AUTS2: variants seen among roughly 807,000 people sequenced by gnomAD.
AUTS2 encodes the protein autism susceptibility gene 2 protein.
A neutral mutation model predicts 112.4 loss-of-function variants in AUTS2; 17 were observed. The observed-to-expected ratio is 0.15, with a 90% confidence interval of 0.10 to 0.23. The LOEUF (loss-of-function observed/expected upper bound fraction) is 0.23, where lower values mean the gene tolerates loss of function less well. Ranked by LOEUF, AUTS2 falls within the 10% of genes least tolerant of loss-of-function variation. AUTS2 has a pLI of 1.00. For synonymous variants in AUTS2, 751 were observed against 702.7 expected, an observed-to-expected ratio of 1.07 and a Z score of -1.09; for missense variants, 1,510 against 1,701.6, an observed-to-expected ratio of 0.89 and a Z score of 1.98.
rs181247769 is a variant in AUTS2, at chr7:69,683,145, G to C, written c.309+83183G>C. 2.0e-5 allele frequency among the ~76,000 whole-genome samples: 3 copies of C among 152,256 alleles called. No homozygotes were observed. The East Asian group carries it at 5.8e-4, about 29-fold the overall frequency. ...GGTATCTGATTTGTATAGGGCCCAG[G>C]GGATTGGTTTGACCAGGCTTGTCAT... On this transcript the variant is annotated intron_variant, in intron 1 of 18. Transcript: ENST00000342771.
intron 4 of AUTS2, among the ~76,000 whole-genome samples, chr7:70,377,320 A>T (rs1793133358): frequency 1.2e-5 from 1 of 85,644 alleles, no homozygotes; most frequent in African/African-American, 4.7e-5. Context: ...AAACAAACAA[A>T]TATAAATATA....
intron 5 of AUTS2, among the ~76,000 whole-genome samples, chr7:70,665,575 A>T (rs550670605): frequency 6.6e-6 from 1 of 152,228 alleles, no homozygotes; most frequent in East Asian, 1.9e-4. Flanking sequence ...TATTGGGATT[A>T]CAGGCATGAG....
rs114366543 is a variant in AUTS2, at chr7:70,730,653, A to G, written c.742+32033A>G. On this transcript the variant is annotated intron_variant, in intron 6 of 18. Transcript: ENST00000342771. The stretch of plus-strand genomic sequence containing the variant: ...GCCACGTTTTGTTTATTGATTCATC[A>G]GTTGACGGACATTCAAGTTGCTTCT... 3.2e-3 allele frequency among the ~76,000 whole-genome samples: 483 copies of G among 151,464 alleles called. 4 individuals are homozygous for G. The highest frequency in any genetic ancestry group is 0.011 in the African/African-American group (470 of 41,442).
At position 70,722,705 on chromosome 7, in the gene AUTS2, A is replaced by G. The variant is rs1399383596; in HGVS notation, c.742+24085A>G. Among the ~76,000 whole-genome samples, 3 of 152,324 alleles carry G rather than the reference A, an allele frequency of 2.0e-5. No individual in the cohort carries two copies. In the East Asian group the frequency reaches 5.8e-4, roughly 29 times the overall value. On this transcript the variant is annotated intron_variant, in intron 6 of 18. Transcript: ENST00000342771. Reference sequence around the variant, plus strand: ...AAGTCATTATGGTGTCTGCTAAAACATTCTTCTTCACAATGATTCTTAAGA... The same window carrying G: ...AAGTCATTATGGTGTCTGCTAAAACGTTCTTCTTCACAATGATTCTTAAGA...
intron 1 of AUTS2, among the ~76,000 whole-genome samples, chr7:69,678,395 G>C (rs1406707395): frequency 6.6e-6 from 1 of 152,272 alleles, no homozygotes; most frequent in East Asian, 1.9e-4. Flanking sequence ...ACCAGCGTGT[G>C]TAAAAGCAGA....
At chr7:69,661,862 T>C (rs1420366374) in intron 1 of AUTS2, among the ~76,000 whole-genome samples, 2 of 152,200 alleles carry the variant, frequency 1.3e-5, no homozygotes, top group African/African-American at 2.4e-5. Context: ...TCACCTGAAA[T>C]GGTGCTGCTC....
intron 5 of AUTS2, among the ~76,000 whole-genome samples, chr7:70,696,674 AACACACACACAC>A (rs35577599): frequency 1.3e-5 from 2 of 150,156 alleles, no homozygotes; most frequent in Non-Finnish European, 3.0e-5. Context: ...TTTTCACTCG[AACACACACACAC>A]ACACACACAC....
intron 1 of AUTS2, among the ~76,000 whole-genome samples, chr7:69,887,243 G>A (rs769090360): frequency 6.6e-6 from 1 of 151,838 alleles, no homozygotes; most frequent in African/African-American, 2.4e-5. Flanking sequence ...GTGAAACCCC[G>A]TCTCTACTAA....
At chr7:69,974,266 T>C (rs1797969573) in intron 2 of AUTS2, among the ~76,000 whole-genome samples, 1 of 150,624 alleles carries the variant, frequency 6.6e-6, no homozygotes, top group Non-Finnish European at 1.5e-5. Context: ...TATAGTTATA[T>C]TCCTTGTTTC....
In AUTS2 at chr7:69,720,619, G is replaced by A. The variant is rs574716408; in HGVS notation, c.309+120657G>A. ...ACATATTAGATTTGTTTAAACCAAA[G>A]GTATTTTTCTTTGAAATGAAATAAT... On this transcript the variant is annotated intron_variant, in intron 1 of 18. Transcript: ENST00000342771. 7.1e-4 allele frequency among the ~76,000 whole-genome samples: 108 copies of A among 152,142 alleles called. 1 individual carries two copies. The highest frequency in any genetic ancestry group is 1.0e-3 in the Non-Finnish European group (68 of 68,022).
rs527623980 is a variant in AUTS2, at chr7:69,831,036, G to A, written c.310-68250G>A. Among the ~76,000 whole-genome samples, 111 of 152,216 alleles carry A rather than the reference G, an allele frequency of 7.3e-4. 1 individual carries two copies. Among genetic ancestry groups the A allele is most frequent in the Non-Finnish European group, 5.1e-4 (35 of 67,996 alleles). On this transcript the variant is annotated intron_variant, in intron 1 of 18. Coordinates refer to ENST00000342771, the MANE Select transcript of AUTS2 (RefSeq NM_015570.4). ...AAAGGAAGGCTTTCATAGACAGCCT[G>A]GTACTGGAGTCAGTATTCAACAGTG...
chr7:70,099,404 A>G (rs1804368677), intron 2 of AUTS2, among the ~76,000 whole-genome samples: 1 of 151,960 alleles, frequency 6.6e-6, no homozygotes, highest in African/African-American at 2.4e-5. Flanking sequence ...GCTGTTCTCT[A>G]CGTGTTGAAT....
At chr7:70,195,083 CATA>C (rs1426082195) in intron 4 of AUTS2, among the ~76,000 whole-genome samples, 48 of 152,272 alleles carry the variant, frequency 3.2e-4, no homozygotes, top group Admixed American at 1.8e-3. Context: ...TTAAAATATA[CATA>C]ATATTTTTAA....
intron 1 of AUTS2, among the ~76,000 whole-genome samples, chr7:69,643,773 C>A (rs1318577791): frequency 8.6e-5 from 13 of 152,004 alleles, no homozygotes; most frequent in Non-Finnish European, 1.8e-4. Context: ...GAATTGTATT[C>A]TCCACCCCCC....
chr7:70,464,736 G>A (rs558672345), intron 5 of AUTS2, among the ~76,000 whole-genome samples: 247 of 152,312 alleles, frequency 1.6e-3, no homozygotes, highest in Middle Eastern at 3.4e-3. Context: ...GAAAAGGAGT[G>A]CATTTCTGGT....
intron 1 of AUTS2, among the ~76,000 whole-genome samples, chr7:69,641,212 A>G (rs1005801263): frequency 1.3e-5 from 2 of 152,246 alleles, no homozygotes; most frequent in African/African-American, 4.8e-5. Flanking sequence ...GAAATAGGAC[A>G]CAGGAAGGAA....
intron 1 of AUTS2, among the ~76,000 whole-genome samples, chr7:69,876,358 A>ATATATATATG (rs1793768586): frequency 1.0e-5 from 1 of 97,050 alleles, no homozygotes; most frequent in East Asian, 3.1e-4. Context: ...AAATATATAT[A>ATATATATATG]TATATATATA....
chr7:70,377,782 T>A (rs1429459236), intron 4 of AUTS2, among the ~76,000 whole-genome samples: 1 of 151,336 alleles, frequency 6.6e-6, no homozygotes, highest in Non-Finnish European at 1.5e-5. Context: ...TCTTTTTTTT[T>A]TTTTTTTGTG....
At chr7:69,636,248 T>G (rs914698631) in intron 1 of AUTS2, among the ~76,000 whole-genome samples, 1 of 152,210 alleles carries the variant, frequency 6.6e-6, no homozygotes, top group Non-Finnish European at 1.5e-5. Flanking sequence ...CTTTTCTTCT[T>G]AAGACGGAGT....
Sources: gnomAD v4.1 joint callset for allele counts (sites outside exome capture counted in the v4.1 genomes callset) on GRCh38, gnomAD v4.1.1 for gene constraint, MANE v1.5 for transcripts, NCBI Gene and HGNC (gene_info 2026-07-23, HGNC 2026-07-21) for gene names.